ESYT1: variants seen among roughly 807,000 people sequenced by gnomAD.
ESYT1 encodes the protein extended synaptotagmin 1.
ESYT1 carries 116 observed loss-of-function variants against 154.2 expected under a neutral mutation model. The observed-to-expected ratio is 0.75, with a 90% CI of 0.65 to 0.88. The LOEUF (loss-of-function observed/expected upper bound fraction) is 0.88. ESYT1 is among the 40% of genes least tolerant of loss of function. ESYT1 has a pLI of 0.00. For synonymous variants in ESYT1, 500 were observed against 539.9 expected (o/e 0.93, Z 1.02); for missense variants, 1,264 against 1,379.3 (o/e 0.92, Z 1.32).
intron 1 of ESYT1, chr12:56,128,913 A>T: frequency 1.6e-6 from 1 of 614,028 alleles, no homozygotes; most frequent in South Asian, 2.0e-5. Context: ...ACCCTTTCGC[A>T]TGCCCAGACT....
In ESYT1 at chr12:56,144,560, T is replaced by C. The variant is rs58663297; in HGVS notation, c.*698T>C. ...ACTTGGGACAGCAGGGCCAATTTTT[T>C]TGCCCAAGTGCCTAGGCTGCTAACT... On this transcript the variant is annotated 3_prime_UTR_variant, in exon 31 of 31. Transcript: ENST00000394048. 201 of 985,516 alleles carry C rather than the reference T, an allele frequency of 2.0e-4. 5 individuals are homozygous for C. The East Asian group carries it at 0.011, about 52-fold the overall frequency. The allele number at this position is 985,516 out of a possible 1,614,324, so 61.0% of individuals were successfully genotyped here.
At chr12:56,128,882 G>A (rs1870114464) in intron 1 of ESYT1, 173 bp downstream of exon 1, 4 of 727,830 alleles carry the variant, frequency 5.5e-6, no homozygotes, top group Admixed American at 2.8e-5. Context: ...TCTTGGAACC[G>A]ACTGCTCACT....
rs79083300 is a variant in ESYT1 at position 56,138,934 on chromosome 12, C to G, written c.2513C>G (p.Ser838Trp). ...GDSSHKTKTI[S>W]QTSAPVWDES... is the part of the protein sequence containing the mutation. ...AGCCCTCATCTCCACCAGACTATTT[C>G]GCAAACTTCAGCCCCTGTCTGGGAT... is the stretch of plus-strand genomic sequence containing the variant. The change falls in exon 24 of 31, where the codon TCG (serine) becomes TGG (tryptophan). Residue 838 changes from serine (S) to tryptophan (W), a missense_variant. Physicochemically the swap from Ser to Trp is radical, Grantham distance 177. Coordinates refer to ENST00000394048, the MANE Select transcript of ESYT1 (RefSeq NM_015292.3). 4.8e-4 allele frequency: 767 copies of G among 1,614,060 alleles called. 13 individuals are homozygous for G. In the East Asian group the frequency reaches 0.011, roughly 24 times the overall value.
In ESYT1 at chr12:56,141,474, C is replaced by T. The variant is rs893743961; in HGVS notation, c.2593-811C>T. ...CTGAAAGCTAGGTTGGGCGCGGTGGCTCACGCCTGTAATCCCAGCACTTTG... is the reference window on the plus strand; with the variant it reads ...CTGAAAGCTAGGTTGGGCGCGGTGGTTCACGCCTGTAATCCCAGCACTTTG... On this transcript the variant is annotated intron_variant, in intron 24 of 30. Transcript: ENST00000394048. Among the ~76,000 whole-genome samples, 6 of 152,226 alleles carry T rather than the reference C, an allele frequency of 3.9e-5. No individual in the cohort carries two copies. The East Asian group carries it at 9.6e-4, about 24-fold the overall frequency.
chr12:56,143,636 G>C lies in ESYT1; in HGVS notation c.3275+7G>C, dbSNP rs559271023. ...CCCAGGGTGTAGCCCGGTGGTGAGT[G>C]TCTGCGTGGGTGGGGGATGGTCTGG... On this transcript the variant is annotated splice_region_variant and intron_variant, in intron 30 of 30. Coordinates refer to ENST00000394048, the MANE Select transcript of ESYT1 (RefSeq NM_015292.3). 2.0e-5 allele frequency: 33 copies of C among 1,613,686 alleles called. No homozygotes were observed. The East Asian group carries it at 5.4e-4, about 26-fold the overall frequency.
At position 56,134,183 on chromosome 12, in the gene ESYT1, TG is replaced by T. The variant is rs779259684; in HGVS notation, c.1545+3del. The T allele has an allele frequency of 8.7e-6, 14 of 1,614,012 alleles. No individual in the cohort carries two copies. The highest frequency in any genetic ancestry group is 9.3e-6 in the Non-Finnish European group (11 of 1,179,936). On this transcript the variant is annotated splice_donor_region_variant and intron_variant, in intron 14 of 30. Transcript: ENST00000394048. Reference sequence around the variant, plus strand: ...CAGGATGTGACTCAGGAGAGCAAGGTGAGGGCCAGGACATCATTGTGGGTGG... The same window carrying T: ...CAGGATGTGACTCAGGAGAGCAAGGTAGGGCCAGGACATCATTGTGGGTGG...
At chr12:56,137,981 T>G in intron 19 of ESYT1, 45 bp from the exon 20 acceptor site, 3 of 1,613,498 alleles carry the variant, frequency 1.9e-6, no homozygotes, top group Non-Finnish European at 2.5e-6. Context: ...CTGGCCTCCT[T>G]GGTTCTCACC....
At position 56,128,285 on chromosome 12, in the gene ESYT1, C is replaced by T; in HGVS notation, c.-35C>T. 6.3e-7 allele frequency: 1 copy of T among 1,580,018 alleles called. No homozygotes were observed. The highest frequency in any genetic ancestry group is 8.6e-7 in the Non-Finnish European group (1 of 1,168,118). ...CAAGACTAGGCAACCTCCAGCCAGT[C>T]CCTGGGTCGGGCGGATCCTCCCAGA... is the stretch of plus-strand genomic sequence containing the variant. On this transcript the variant is annotated 5_prime_UTR_variant, in exon 1 of 31. Transcript: ENST00000394048.
Position 56,137,568 on chromosome 12 carries a change from G to T in ESYT1, c.2008G>T (p.Val670Leu). 6.2e-7 allele frequency: 1 copy of T among 1,614,196 alleles called. No individual in the cohort carries two copies. The highest frequency in any genetic ancestry group is 8.5e-7 in the Non-Finnish European group (1 of 1,180,030). ...CAAAGACCGTTTCTTGGGGGGACTG[G>T]TGAAGGGCAAGTCAGACCCCTATGT... is the stretch of plus-strand genomic sequence containing the variant. The part of the protein sequence containing the change: ...IAKDRFLGGL[V>L]KGKSDPYVKL... The change falls in exon 18 of 31, where the codon GTG becomes TTG. Residue 670 changes from valine to leucine, a missense_variant. Physicochemically the swap from Val to Leu is conservative, Grantham distance 32. Transcript: ENST00000394048.
intron 15 of ESYT1, among the ~76,000 whole-genome samples, chr12:56,134,661 C>T (rs1324654858): frequency 1.3e-5 from 2 of 151,064 alleles, no homozygotes; most frequent in Non-Finnish European, 2.9e-5. Context: ...TGCAGTGGTG[C>T]GATCTCGGCT....
intron 24 of ESYT1, 134 bp downstream of exon 24, chr12:56,139,147 C>T (rs1395414709): frequency 1.8e-5 from 12 of 668,766 alleles, no homozygotes; most frequent in East Asian, 5.6e-5. Context: ...CTTGCTCTGT[C>T]GCCCAGGCTG....
At position 56,138,813 on chromosome 12, in the gene ESYT1, G is replaced by C. The variant is rs767077490; in HGVS notation, c.2479G>C (p.Val827Leu). The change falls in exon 23 of 31, where the codon GTG becomes CTG. Residue 827 changes from valine to leucine, a missense_variant. By Grantham distance (32) the Val-to-Leu change is conservative (BLOSUM62 1). Coordinates refer to ENST00000394048, the MANE Select transcript of ESYT1 (RefSeq NM_015292.3). ...CCTCAGCCCTTATGCTACTCTCACTGTGGGAGATAGTTCTCATAAAACCAA... is the reference window on the plus strand; with the variant it reads ...CCTCAGCCCTTATGCTACTCTCACTCTGGGAGATAGTTCTCATAAAACCAA... The part of the protein sequence containing the change: ...KHLSPYATLT[V>L]GDSSHKTKTI... The C allele has an allele frequency of 1.1e-5, 18 of 1,614,184 alleles. No individual in the cohort carries two copies. The South Asian group carries it at 1.6e-4, about 15-fold the overall frequency.
intron 1 of ESYT1, 198 bp downstream of exon 1, chr12:56,128,907 T>C: frequency 1.6e-6 from 1 of 624,324 alleles, no homozygotes; most frequent in Non-Finnish European, 2.8e-6. Flanking sequence ...CCACCCACCC[T>C]TTCGCATGCC....
chr12:56,144,251 C>T lies in ESYT1; in HGVS notation c.*389C>T. The T allele has an allele frequency of 9.1e-7, 1 of 1,096,726 alleles. No homozygotes were observed. Among genetic ancestry groups the T allele is most frequent in the Non-Finnish European group, 1.1e-6 (1 of 896,614 alleles). The allele number at this position is 1,096,726 out of a possible 1,614,324, so 67.9% of individuals were successfully genotyped here. On this transcript the variant is annotated 3_prime_UTR_variant, in exon 31 of 31. Transcript: ENST00000394048. Reference sequence around the variant, plus strand: ...TTTTTTTCTTTAACTAGATGGTCACCTTCTTCCCTACCACACATGGGTGGG... The same window carrying T: ...TTTTTTTCTTTAACTAGATGGTCACTTTCTTCCCTACCACACATGGGTGGG...
Position 56,137,938 on chromosome 12 carries a change from A to G in ESYT1, c.2198+24A>G, listed in dbSNP as rs1447794337. The G allele has an allele frequency of 1.9e-6, 3 of 1,613,954 alleles. No individual in the cohort carries two copies. In the African/African-American group the frequency reaches 4.0e-5, roughly 22 times the overall value. On this transcript the variant is annotated intron_variant, in intron 19 of 30. Coordinates refer to ENST00000394048, the MANE Select transcript of ESYT1 (RefSeq NM_015292.3). ...AGGTGAGAGCATAGGAGTCTACGTG[A>G]AAAACAGGCTGGGGCTCTTTAGGCC... is the stretch of plus-strand genomic sequence containing the variant.
chr12:56,128,984 G>C lies in ESYT1; in HGVS notation c.390+275G>C, dbSNP rs1870118841. The C allele has an allele frequency of 3.0e-5, 14 of 465,190 alleles. No individual in the cohort carries two copies. In the East Asian group the frequency reaches 5.9e-4, roughly 19 times the overall value. The allele number at this position is 465,190 out of a possible 1,614,324, so 28.8% of individuals were successfully genotyped here. A position where few individuals can be genotyped will look rare whatever the true frequency, so the allele number is the denominator to read the frequency against. ...TTGGGCAACAGCAGTAATAACATCTGGGGACCCCGTCTCAGCCGAAGCTCT... is the reference window on the plus strand; with the variant it reads ...TTGGGCAACAGCAGTAATAACATCTCGGGACCCCGTCTCAGCCGAAGCTCT... On this transcript the variant is annotated intron_variant, in intron 1 of 30. Coordinates refer to ENST00000394048, the MANE Select transcript of ESYT1 (RefSeq NM_015292.3).
Position 56,143,209 on chromosome 12 carries a change from A to T in ESYT1, c.3120-19A>T, listed in dbSNP as rs769546095. On this transcript the variant is annotated intron_variant, in intron 28 of 30. Transcript: ENST00000394048. The stretch of plus-strand genomic sequence containing the variant: ...GCTTGGAAAGGACTCCTGGCCCCTA[A>T]CATCCAGTCCTACCCCAGGTTTGAG... 6.8e-6 allele frequency: 11 copies of T among 1,613,950 alleles called. No individual in the cohort carries two copies. The Admixed American group carries it at 1.8e-4, about 27-fold the overall frequency.
chr12:56,144,370 C>G lies in ESYT1; in HGVS notation c.*508C>G. 1 of 1,000,890 alleles carries G rather than the reference C, an allele frequency of 1.0e-6. No individual in the cohort carries two copies. The highest frequency in any genetic ancestry group is 1.2e-6 in the Non-Finnish European group (1 of 838,302). 62.0% of individuals were successfully genotyped at this position (1,000,890 alleles called of 1,614,324 possible). A position where few individuals can be genotyped will look rare whatever the true frequency, so the allele number is the denominator to read the frequency against. On this transcript the variant is annotated 3_prime_UTR_variant, in exon 31 of 31. Transcript: ENST00000394048. ...CTCAGGCCCCCATGTCCAGTTCTGT[C>G]CCCACTGTCCTCAACCCTGTCCTGA... is the stretch of plus-strand genomic sequence containing the variant.
At chr12:56,141,696 C>T (rs1442426330) in intron 24 of ESYT1, among the ~76,000 whole-genome samples, 29 of 152,182 alleles carry the variant, frequency 1.9e-4, no homozygotes, top group African/African-American at 2.9e-4. Flanking sequence ...GCTGAGATTG[C>T]GCCACTGCAC....
Sources: gnomAD v4.1 joint callset for allele counts (sites outside exome capture counted in the v4.1 genomes callset) on GRCh38, gnomAD v4.1.1 for gene constraint, MANE v1.5 for transcripts, NCBI Gene and HGNC (gene_info 2026-07-23, HGNC 2026-07-21) for gene names.